The following CFTR variants were observed in gnomAD, a reference collection of about 807,000 sequenced individuals.
The protein encoded by CFTR is CF transmembrane conductance regulator, also known as cystic fibrosis transmembrane conductance regulator.
CFTR carries 181 observed loss-of-function variants against 171.6 expected under a neutral mutation model. The ratio of observed to expected loss-of-function variants is 1.05; its 90% CI spans 0.93 to 1.19. The LOEUF (loss-of-function observed/expected upper bound fraction) is 1.19, where lower values mean the gene tolerates loss of function less well. CFTR is among the 50% of genes most tolerant of loss of function. CFTR has a pLI of 0.00. For synonymous variants in CFTR, 583 were observed against 608.0 expected (o/e 0.96, Z 0.60); for missense variants, 1,968 against 1,734.7 (o/e 1.13, Z -2.39).
At chr7:117,480,745 C>T (rs1797989462) in intron 1 of CFTR, among the ~76,000 whole-genome samples, 2 of 152,096 alleles carry the variant, frequency 1.3e-5, no homozygotes, top group Admixed American at 6.5e-5. Context: ...ACTTCACAAG[C>T]TATAAATTTT....
rs560766967 is a variant in CFTR, at chr7:117,641,711, T to G, written c.3718-727T>G. On this transcript the variant is annotated intron_variant, in intron 22 of 26. Transcript: ENST00000003084. ...TCACCTCTAGCACTTGATCTCCTCA[T>G]GCAGTGCATGGTGCTCTCACGTCTA... 2.6e-5 allele frequency among the ~76,000 whole-genome samples: 4 copies of G among 152,342 alleles called. No homozygotes were observed. In the East Asian group the frequency reaches 7.7e-4, roughly 29 times the overall value.
intron 16 of CFTR, 29 bp downstream of exon 16, chr7:117,602,892 T>C (rs1332777392): frequency 3.8e-6 from 6 of 1,584,150 alleles, no homozygotes; most frequent in Middle Eastern, 1.7e-4. Flanking sequence ...ATTGTGTAGA[T>C]TGTGTTTTAT....
chr7:117,485,621 A>C (rs1337672126), intron 1 of CFTR, among the ~76,000 whole-genome samples: 2 of 152,164 alleles, frequency 1.3e-5, no homozygotes, highest in East Asian at 1.9e-4. Context: ...TTTAGCAAGA[A>C]GCTTGTAAAA....
At chr7:117,530,512 CA>C (rs890530097) in intron 3 of CFTR, among the ~76,000 whole-genome samples, 7 of 147,970 alleles carry the variant, frequency 4.7e-5, no homozygotes, top group South Asian at 4.3e-4. Context: ...CTATAGTAAA[CA>C]AAAAAAAAGC....
At chr7:117,612,028 T>A in intron 20 of CFTR, among the ~76,000 whole-genome samples, 1 of 71,404 alleles carries the variant, frequency 1.4e-5, no homozygotes, top group Admixed American at 1.3e-4. Context: ...TATATGTATA[T>A]ATATATATAT....
chr7:117,588,184 T>C (rs1449692203), intron 12 of CFTR, among the ~76,000 whole-genome samples: 1 of 152,142 alleles, frequency 6.6e-6, no homozygotes, highest in South Asian at 2.1e-4. Flanking sequence ...GCCACTCCAA[T>C]GTACACACCA....
intron 2 of CFTR, among the ~76,000 whole-genome samples, chr7:117,505,422 G>A (rs1199611217): frequency 1.3e-5 from 2 of 152,148 alleles, no homozygotes; most frequent in African/African-American, 2.4e-5. Flanking sequence ...TGGAGAACTG[G>A]CCTTAGGAAC....
chr7:117,561,020 T>G (rs2115943530), intron 11 of CFTR, among the ~76,000 whole-genome samples: 1 of 152,224 alleles, frequency 6.6e-6, no homozygotes, highest in South Asian at 2.1e-4. Flanking sequence ...AATGGTGGTT[T>G]GATTTCCTCA....
chr7:117,624,050 G>A (rs1792617428), intron 21 of CFTR, among the ~76,000 whole-genome samples: 1 of 151,950 alleles, frequency 6.6e-6, no homozygotes, highest in Non-Finnish European at 1.5e-5. Context: ...ACAAAACCTG[G>A]ATCTACCCCT....
chr7:117,561,657 T>C (rs890808051), intron 11 of CFTR, among the ~76,000 whole-genome samples: 5 of 152,172 alleles, frequency 3.3e-5, no homozygotes, highest in African/African-American at 7.2e-5. Flanking sequence ...ACTTGCTTTA[T>C]TTTATACAGT....
At chr7:117,602,024 T>C (rs1159090132) in intron 15 of CFTR, among the ~76,000 whole-genome samples, 1 of 152,174 alleles carries the variant, frequency 6.6e-6, no homozygotes, top group East Asian at 1.9e-4. Flanking sequence ...ACTGTGACTT[T>C]TTACACTGCT....
At chr7:117,597,988 T>C (rs1187836793) in intron 15 of CFTR, among the ~76,000 whole-genome samples, 1 of 152,158 alleles carries the variant, frequency 6.6e-6, no homozygotes, top group Non-Finnish European at 1.5e-5. Context: ...GTGATGTGGC[T>C]GGGAGGCTGA....
At chr7:117,562,142 G>A (rs1791513377) in intron 11 of CFTR, among the ~76,000 whole-genome samples, 1 of 152,108 alleles carries the variant, frequency 6.6e-6, no homozygotes, top group Admixed American at 6.6e-5. Context: ...TCCCTTTGAG[G>A]TAAAGAAAAC....
intron 23 of CFTR, among the ~76,000 whole-genome samples, chr7:117,646,431 A>C (rs932205577): frequency 6.6e-6 from 1 of 152,128 alleles, no homozygotes; most frequent in Non-Finnish European, 1.5e-5. Flanking sequence ...GAGGATGTGG[A>C]GAGGGTATTC....
chr7:117,619,011 T>C (rs1792534231), intron 21 of CFTR, among the ~76,000 whole-genome samples: 4 of 152,240 alleles, frequency 2.6e-5, no homozygotes, highest in Admixed American at 2.0e-4. Flanking sequence ...ATTGTGGCTA[T>C]CTATCTCTAT....
In CFTR at chr7:117,667,186, G is replaced by A; in HGVS notation, c.*78G>A. 1.5e-6 allele frequency: 2 copies of A among 1,303,198 alleles called. No homozygotes were observed. Among genetic ancestry groups the A allele is most frequent in the Non-Finnish European group, 2.2e-6 (2 of 909,216 alleles). The allele number at this position is 1,303,198 out of a possible 1,614,324, so 80.7% of individuals were successfully genotyped here. ...GGGACAGTCACCTCATGGAATTGGA[G>A]CTCGTGGAACAGTTACCTCTGCCTC... On this transcript the variant is annotated 3_prime_UTR_variant, in exon 27 of 27. Transcript: ENST00000003084.
chr7:117,627,802 CTG>C, intron 22 of CFTR, 32 bp downstream of exon 22: 10 of 1,603,986 alleles, frequency 6.2e-6, no homozygotes, highest in Non-Finnish European at 8.5e-6. Context: ...CTTTGTTAGA[CTG>C]TGTTCAGTAA....
Position 117,595,052 on chromosome 7 carries a change from G to A in CFTR, c.2613G>A (p.Leu871=). ...TAATTTGGTGCTTAGTAATTTTTCTGGCAGAGGTAAGAATGTTCTATTGTA... is the reference window on the plus strand; with the variant it reads ...TAATTTGGTGCTTAGTAATTTTTCTAGCAGAGGTAAGAATGTTCTATTGTA... ...FVLIWCLVIF[L]AEVAASLVVL... The change falls in exon 15 of 27, where the codon CTG becomes CTA. Residue 871 remains leucine (L), a synonymous_variant. Coordinates refer to ENST00000003084, the MANE Select transcript of CFTR (RefSeq NM_000492.4). The A allele has an allele frequency of 6.2e-7, 1 of 1,611,914 alleles. No homozygotes were observed. The highest frequency in any genetic ancestry group is 1.3e-5 in the African/African-American group (1 of 74,942).
intron 3 of CFTR, among the ~76,000 whole-genome samples, chr7:117,518,999 G>A (rs931470794): frequency 7.9e-5 from 12 of 151,978 alleles, no homozygotes; most frequent in African/African-American, 2.9e-4. Context: ...AAATCCAGGG[G>A]CTTTTTCTTA....
Sources: allele counts gnomAD v4.1 joint callset (sites outside exome capture counted in the v4.1 genomes callset), GRCh38; gene constraint gnomAD v4.1.1; transcripts MANE v1.5; gene names NCBI Gene and HGNC (gene_info 2026-07-23, HGNC 2026-07-21).